The following SGCD variants were observed in gnomAD, a reference collection of about 807,000 sequenced individuals.
SGCD encodes sarcoglycan delta.
A neutral mutation model predicts 36.6 loss-of-function variants in SGCD; 18 were observed. That is an observed-to-expected ratio of 0.49 (90% CI 0.34 to 0.73). The LOEUF (loss-of-function observed/expected upper bound fraction) is 0.73. Among genes scored for constraint, SGCD ranks in the 30% least tolerant of loss-of-function variants. The pLI is 0.01. For missense variants in SGCD, 387 were observed against 346.7 expected, an observed-to-expected ratio of 1.12 and a Z score of -0.92; for synonymous variants, 133 against 130.6, an observed-to-expected ratio of 1.02 and a Z score of -0.12.
At chr5:155,772,107 T>G in the SGCD span, among the ~76,000 whole-genome samples, 10 of 152,182 alleles carry the variant, frequency 6.6e-5, no homozygotes, top group African/African-American at 2.4e-4. Context: ...TGGCAGTAGG[T>G]ACTACAGGGT....
chr5:156,158,718 T>C (rs935174999), intron 3 of SGCD, among the ~76,000 whole-genome samples: 3 of 151,634 alleles, frequency 2.0e-5, no homozygotes, highest in Non-Finnish European at 2.9e-5. Flanking sequence ...TAGTCATTAC[T>C]ATCTATTTGC....
At chr5:155,856,037 T>A in the SGCD span, among the ~76,000 whole-genome samples, 2 of 152,170 alleles carry the variant, frequency 1.3e-5, no homozygotes, top group African/African-American at 4.8e-5. Flanking sequence ...AAAAATATAA[T>A]GAATGAGATT....
At chr5:155,884,725 G>T (rs971965904) in intron 1 of SGCD, among the ~76,000 whole-genome samples, 1 of 152,142 alleles carries the variant, frequency 6.6e-6, no homozygotes, top group African/African-American at 2.4e-5. Context: ...CCACTTGTTG[G>T]TTACGTGACT....
intron 3 of SGCD, among the ~76,000 whole-genome samples, chr5:156,464,706 C>T (rs535508023): frequency 3.9e-4 from 59 of 152,272 alleles, no homozygotes; most frequent in Non-Finnish European, 6.5e-4. Flanking sequence ...AGTACTTTAA[C>T]TTCCTCTTCA....
At chr5:156,029,118 C>T (rs1347117) in intron 1 of SGCD, among the ~76,000 whole-genome samples, 108 of 151,830 alleles carry the variant, frequency 7.1e-4, no homozygotes, top group African/African-American at 1.7e-3. Context: ...GAATACAAAC[C>T]GGTTCTGCAT....
chr5:156,271,594 G>A (rs1394423281), intron 3 of SGCD, among the ~76,000 whole-genome samples: 2 of 152,120 alleles, frequency 1.3e-5, no homozygotes, highest in Admixed American at 1.3e-4. Flanking sequence ...ACTATTTACT[G>A]AGAGTGTCTC....
chr5:156,073,492 G>A (rs144942085), intron 1 of SGCD, among the ~76,000 whole-genome samples: 1 of 152,332 alleles, frequency 6.6e-6, no homozygotes, highest in African/African-American at 2.4e-5. Flanking sequence ...GAGCCCAGGA[G>A]GTGGAGGCTG....
intron 3 of SGCD, among the ~76,000 whole-genome samples, chr5:156,373,868 A>C (rs746586089): frequency 6.6e-6 from 1 of 152,170 alleles, no homozygotes; most frequent in African/African-American, 2.4e-5. Flanking sequence ...CACATCACCC[A>C]GTGGTCAGCA....
intron 3 of SGCD, among the ~76,000 whole-genome samples, chr5:156,368,211 C>T (rs1770206827): frequency 6.6e-6 from 1 of 152,010 alleles, no homozygotes; most frequent in South Asian, 2.1e-4. Flanking sequence ...CTGCTTTAGC[C>T]TCCTGAGTAG....
chr5:156,346,647 T>C (rs1250517911), intron 3 of SGCD, among the ~76,000 whole-genome samples: 1 of 152,170 alleles, frequency 6.6e-6, no homozygotes, highest in African/African-American at 2.4e-5. Context: ...ATTGCAGTAG[T>C]AACTTTGGAA....
intron 7 of SGCD, among the ~76,000 whole-genome samples, chr5:156,687,191 T>C (rs1753934800): frequency 6.6e-6 from 1 of 152,078 alleles, no homozygotes; most frequent in Non-Finnish European, 1.5e-5. Context: ...CTGAGGAACA[T>C]AGGGACAGAA....
At chr5:156,456,514 G>A (rs1157751399) in intron 3 of SGCD, among the ~76,000 whole-genome samples, 1 of 152,184 alleles carries the variant, frequency 6.6e-6, no homozygotes, top group Non-Finnish European at 1.5e-5. Context: ...AAACTTGTAA[G>A]CTATGAAGGT....
intron 1 of SGCD, among the ~76,000 whole-genome samples, chr5:155,938,028 G>A (rs1328873020): frequency 6.6e-6 from 1 of 152,222 alleles, no homozygotes; most frequent in East Asian, 1.9e-4. Context: ...TTGAACCACA[G>A]TGATGGGAAC....
At chr5:155,950,207 T>C (rs1183262560) in intron 1 of SGCD, among the ~76,000 whole-genome samples, 1 of 152,180 alleles carries the variant, frequency 6.6e-6, no homozygotes, top group Non-Finnish European at 1.5e-5. Flanking sequence ...ACTCCGTTCT[T>C]TGAATTAATC....
At chr5:155,744,084 A>G in the SGCD span, among the ~76,000 whole-genome samples, 1 of 152,204 alleles carries the variant, frequency 6.6e-6, no homozygotes. Context: ...TATAAATCAG[A>G]TATCAGAAAG....
chr5:155,773,205 A>T, the SGCD span, among the ~76,000 whole-genome samples: 2 of 152,174 alleles, frequency 1.3e-5, no homozygotes, highest in African/African-American at 2.4e-5. Flanking sequence ...AAAGTGAAGT[A>T]GTACCCTTTA....
intron 7 of SGCD, among the ~76,000 whole-genome samples, chr5:156,694,527 C>T (rs998588055): frequency 2.6e-5 from 4 of 152,160 alleles, no homozygotes; most frequent in African/African-American, 7.2e-5. Flanking sequence ...GCAGAAATTG[C>T]ACCCACTGTA....
rs543632868 is a variant in SGCD, at chr5:156,517,727, T to C, written c.294+9025T>C. Among the ~76,000 whole-genome samples, 3 of 152,268 alleles carry C rather than the reference T, an allele frequency of 2.0e-5. No homozygotes were observed. The South Asian group carries it at 6.2e-4, about 32-fold the overall frequency. On this transcript the variant is annotated intron_variant, in intron 4 of 8. Transcript: ENST00000337851. Reference sequence around the variant, plus strand: ...AAAAAATTTCCAACCCTGAATTTTATATCTAGCCAAACTAAACTTCCTAAG... The same window carrying C: ...AAAAAATTTCCAACCCTGAATTTTACATCTAGCCAAACTAAACTTCCTAAG...
At chr5:155,928,170 G>T (rs1757029388) in intron 1 of SGCD, among the ~76,000 whole-genome samples, 1 of 152,050 alleles carries the variant, frequency 6.6e-6, no homozygotes. Flanking sequence ...ATTTTTTGAT[G>T]CCCCACTTCC....
Sources: allele counts gnomAD v4.1 joint callset (sites outside exome capture counted in the v4.1 genomes callset), GRCh38; gene constraint gnomAD v4.1.1; transcripts MANE v1.5; gene names NCBI Gene and HGNC (gene_info 2026-07-23, HGNC 2026-07-21).